CAB39L: variants seen among roughly 807,000 people sequenced by gnomAD.
CAB39L encodes calcium binding protein 39 like.
Under a neutral mutation model 39.1 loss-of-function variants are expected in CAB39L, and 23 were observed. That is an observed-to-expected ratio of 0.59 (90% CI 0.42 to 0.83). CAB39L has a LOEUF of 0.83. CAB39L is among the 40% of genes least tolerant of loss of function. CAB39L has a pLI of 0.00. For synonymous variants in CAB39L, 126 were observed against 137.2 expected (o/e 0.92, Z 0.57); for missense variants, 366 against 391.9 (o/e 0.93, Z 0.56).
Position 49,319,538 on chromosome 13 carries a change from C to T in CAB39L, c.835-8545G>A, listed in dbSNP as rs573721789. Among the ~76,000 whole-genome samples, 3 of 151,386 alleles carry T rather than the reference C, an allele frequency of 2.0e-5. 1 individual carries two copies. In the South Asian group the frequency reaches 6.2e-4, roughly 31 times the overall value. On this transcript the variant is annotated intron_variant, in intron 10 of 10. Coordinates refer to ENST00000409308, the MANE Select transcript of CAB39L (RefSeq NM_001079670.3). Reference sequence around the variant, plus strand: ...GATATTGGTGACAGTTGTACAACATCGTAAATACACTAACTGTTACTGAAT... The same window carrying T: ...GATATTGGTGACAGTTGTACAACATTGTAAATACACTAACTGTTACTGAAT...
chr13:49,327,110 C>A (rs1422201251), intron 10 of CAB39L, among the ~76,000 whole-genome samples: 1 of 151,970 alleles, frequency 6.6e-6, no homozygotes, highest in Non-Finnish European at 1.5e-5. Context: ...ACTTCATATT[C>A]CCACCATTGG....
intron 3 of CAB39L, among the ~76,000 whole-genome samples, chr13:49,386,612 A>C (rs531791665): frequency 1.3e-5 from 2 of 152,246 alleles, no homozygotes; most frequent in African/African-American, 2.4e-5. Flanking sequence ...TTAGTTTAAC[A>C]ATGTTTTAAA....
At chr13:49,439,920 G>GTTTTTTTTTTTTTTT (rs1270438947) in intron 1 of CAB39L, among the ~76,000 whole-genome samples, 1 of 41,364 alleles carries the variant, frequency 2.4e-5, no homozygotes, top group African/African-American at 7.7e-5. Context: ...CTTTTTAATG[G>GTTTTTTTTTTTTTTT]GTTTTTTTTT....
intron 6 of CAB39L, among the ~76,000 whole-genome samples, chr13:49,358,060 T>C (rs540456237): frequency 6.6e-6 from 1 of 152,374 alleles, no homozygotes; most frequent in African/African-American, 2.4e-5. Context: ...CCTGATGAAC[T>C]AGAACATCTG....
Position 49,332,012 on chromosome 13 carries a change from G to C in CAB39L, c.769C>G (p.Leu257Val). 1.9e-6 allele frequency: 3 copies of C among 1,614,146 alleles called. No individual in the cohort carries two copies. Among genetic ancestry groups the C allele is most frequent in the Non-Finnish European group, 1.7e-6 (2 of 1,180,010 alleles). The change falls in exon 10 of 11, where the codon CTC becomes GTC. Residue 257 changes from leucine to valine, a missense_variant. Physicochemically the swap from Leu to Val is conservative, Grantham distance 32. Coordinates refer to ENST00000409308, the MANE Select transcript of CAB39L (RefSeq NM_001079670.3). ...KYISKPENLKLMMNLLRDKSP... is the reference protein window; with the variant it reads ...KYISKPENLKVMMNLLRDKSP... ...TTATCCCGAAGGAGGTTCATCATGA[G>C]TTTCAGGTTCTCCGGCTTGCTGATA...
At chr13:49,421,722 C>G (rs1296204467) in intron 3 of CAB39L, among the ~76,000 whole-genome samples, 1 of 151,946 alleles carries the variant, frequency 6.6e-6, no homozygotes, top group Admixed American at 6.6e-5. Flanking sequence ...TAGTGGAGAG[C>G]CTGAACCTCC....
chr13:49,441,932 T>A (rs1395501724), intron 1 of CAB39L, among the ~76,000 whole-genome samples: 1 of 152,208 alleles, frequency 6.6e-6, no homozygotes, highest in African/African-American at 2.4e-5. Flanking sequence ...ATATGATTAA[T>A]TTTATAATAA....
chr13:49,376,429 T>A (rs938247519), intron 5 of CAB39L, among the ~76,000 whole-genome samples: 4 of 152,252 alleles, frequency 2.6e-5, no homozygotes, highest in African/African-American at 9.6e-5. Context: ...GTCAGTTTAT[T>A]ATTTAGGTAA....
At chr13:49,342,611 C>T (rs529049462) in intron 8 of CAB39L, among the ~76,000 whole-genome samples, 1 of 152,276 alleles carries the variant, frequency 6.6e-6, no homozygotes, top group Admixed American at 6.5e-5. Context: ...CATTAACTAA[C>T]ACATGTAAAA....
At chr13:49,312,217 A>G (rs1954015037) in intron 10 of CAB39L, among the ~76,000 whole-genome samples, 1 of 152,152 alleles carries the variant, frequency 6.6e-6, no homozygotes, top group Non-Finnish European at 1.5e-5. Context: ...TATTATTAAA[A>G]CAAGAAAAAA....
intron 9 of CAB39L, among the ~76,000 whole-genome samples, chr13:49,333,375 G>T (rs1277868948): frequency 6.6e-6 from 1 of 151,798 alleles, no homozygotes; most frequent in Non-Finnish European, 1.5e-5. Flanking sequence ...CTCTTCAATG[G>T]CTCCCTTGCC....
chr13:49,392,055 T>C (rs913624532), intron 3 of CAB39L, among the ~76,000 whole-genome samples: 1 of 151,634 alleles, frequency 6.6e-6, no homozygotes, highest in Non-Finnish European at 1.5e-5. Flanking sequence ...TAAATATATA[T>C]CAAGCAATAT....
At chr13:49,332,903 A>G (rs1954751609) in intron 9 of CAB39L, among the ~76,000 whole-genome samples, 2 of 151,998 alleles carry the variant, frequency 1.3e-5, no homozygotes, top group Admixed American at 1.3e-4. Context: ...AGATATGTTT[A>G]GTTTTCAATT....
chr13:49,430,140 AG>A (rs1412957309), intron 3 of CAB39L, among the ~76,000 whole-genome samples: 6 of 152,230 alleles, frequency 3.9e-5, no homozygotes, highest in Non-Finnish European at 8.8e-5. Flanking sequence ...CCTTTTAATC[AG>A]CCTGGGGTTT....
intron 10 of CAB39L, among the ~76,000 whole-genome samples, chr13:49,326,161 C>A (rs991981312): frequency 6.6e-6 from 1 of 152,158 alleles, no homozygotes; most frequent in Non-Finnish European, 1.5e-5. Context: ...AGGGGCAACA[C>A]GGCCCTTTGC....
At chr13:49,346,106 T>TAG (rs1955159505) in intron 7 of CAB39L, among the ~76,000 whole-genome samples, 2 of 46,324 alleles carry the variant, frequency 4.3e-5, no homozygotes, top group Non-Finnish European at 9.1e-5. Context: ...GCTAGATATA[T>TAG]ATATATATAT....
intron 5 of CAB39L, among the ~76,000 whole-genome samples, chr13:49,366,859 T>C (rs999590748): frequency 2.0e-5 from 3 of 151,918 alleles, no homozygotes; most frequent in Non-Finnish European, 2.9e-5. Context: ...CTACTAAAAA[T>C]ACAAAAATTA....
At chr13:49,375,189 T>G (rs1434028394) in intron 5 of CAB39L, among the ~76,000 whole-genome samples, 1 of 152,134 alleles carries the variant, frequency 6.6e-6, no homozygotes, top group Admixed American at 6.5e-5. Flanking sequence ...ATATTTTTAT[T>G]TAGTTTAATA....
At chr13:49,390,788 A>G (rs1956472785) in intron 3 of CAB39L, among the ~76,000 whole-genome samples, 1 of 152,182 alleles carries the variant, frequency 6.6e-6, no homozygotes, top group Non-Finnish European at 1.5e-5. Context: ...AGACCAAGCC[A>G]TGGAAATCTG....
Sources: allele counts gnomAD v4.1 joint callset (sites outside exome capture counted in the v4.1 genomes callset), GRCh38; gene constraint gnomAD v4.1.1; transcripts MANE v1.5; gene names NCBI Gene and HGNC (gene_info 2026-07-23, HGNC 2026-07-21).